The following KCNH8 variants were observed in gnomAD, a reference collection of about 807,000 sequenced individuals.
KCNH8 encodes the protein voltage-gated delayed rectifier potassium channel KCNH8.
In KCNH8, 70 loss-of-function variants were observed where a neutral mutation model predicts 103.6. The ratio of observed to expected loss-of-function variants is 0.68; its 90% CI spans 0.56 to 0.82. The LOEUF (loss-of-function observed/expected upper bound fraction) is 0.82. KCNH8 is among the 40% of genes least tolerant of loss of function. KCNH8 has a pLI of 0.00. For synonymous variants in KCNH8, 498 were observed against 489.4 expected, an observed-to-expected ratio of 1.02 and a Z score of -0.23; for missense variants, 1,217 against 1,329.9, an observed-to-expected ratio of 0.92 and a Z score of 1.32.
chr3:19,345,320 C>T lies in KCNH8; in HGVS notation c.571-2405C>T, dbSNP rs578049117. Among the ~76,000 whole-genome samples the T allele has an allele frequency of 3.8e-4, 58 of 152,174 alleles. 1 individual carries two copies. The highest frequency in any genetic ancestry group is 6.2e-4 in the South Asian group (3 of 4,822). On this transcript the variant is annotated intron_variant, in intron 4 of 15. Coordinates refer to ENST00000328405, the MANE Select transcript of KCNH8 (RefSeq NM_144633.3). The stretch of plus-strand genomic sequence containing the variant: ...GCATACACTGGGTTTAGATTACTCA[C>T]TGAAGTGACTGTAGAAACATTTTCA...
intron 7 of KCNH8, among the ~76,000 whole-genome samples, chr3:19,427,513 T>C (rs535982158): frequency 6.6e-6 from 1 of 152,322 alleles, no homozygotes; most frequent in Non-Finnish European, 1.5e-5. Flanking sequence ...TGGGTTCTTA[T>C]AAACAAAAGC....
intron 7 of KCNH8, among the ~76,000 whole-genome samples, chr3:19,427,340 A>G (rs1320068540): frequency 6.6e-6 from 1 of 152,228 alleles, no homozygotes; most frequent in Non-Finnish European, 1.5e-5. Context: ...AAATCCATTG[A>G]AAAGGCATTA....
chr3:19,332,685 G>A (rs980036509), intron 3 of KCNH8, among the ~76,000 whole-genome samples: 2 of 151,834 alleles, frequency 1.3e-5, no homozygotes, highest in African/African-American at 2.4e-5. Flanking sequence ...CCTAGGCTGA[G>A]ACAGTGGCAC....
rs75462948 is a variant in KCNH8, at chr3:19,285,471, T to C, written c.442+4142T>C. On this transcript the variant is annotated intron_variant, in intron 3 of 15. Transcript: ENST00000328405. ...TGTTATAGGTTTATAAGAGATAATA[T>C]ATGCAATTCACGTAGCACAGGGCAT... Among the ~76,000 whole-genome samples the C allele has an allele frequency of 3.8e-3, 580 of 152,266 alleles. 7 individuals carry two copies. The highest frequency in any genetic ancestry group is 0.013 in the African/African-American group (521 of 41,558).
At chr3:19,151,237 G>C (rs1423454935) in intron 1 of KCNH8, among the ~76,000 whole-genome samples, 2 of 151,652 alleles carry the variant, frequency 1.3e-5, no homozygotes, top group African/African-American at 4.8e-5. Context: ...TACTTCTATT[G>C]ATTTTTATAG....
At chr3:19,277,405 A>C (rs2064690074) in intron 2 of KCNH8, among the ~76,000 whole-genome samples, 1 of 152,024 alleles carries the variant, frequency 6.6e-6, no homozygotes, top group Non-Finnish European at 1.5e-5. Context: ...CTCTACAGAA[A>C]AATTTAAAAC....
chr3:19,372,092 C>T (rs947319505), intron 5 of KCNH8, among the ~76,000 whole-genome samples: 6 of 152,056 alleles, frequency 3.9e-5, no homozygotes, highest in African/African-American at 1.2e-4. Context: ...CTTGGCGATG[C>T]GGGCTCTTTT....
chr3:19,452,963 A>G (rs1355231020), intron 10 of KCNH8, among the ~76,000 whole-genome samples: 1 of 152,196 alleles, frequency 6.6e-6, no homozygotes, highest in African/African-American at 2.4e-5. Flanking sequence ...AGTGTTCATC[A>G]TTGGATGAAT....
chr3:19,314,234 A>G (rs1479303007), intron 3 of KCNH8, among the ~76,000 whole-genome samples: 2 of 151,964 alleles, frequency 1.3e-5, no homozygotes, highest in Non-Finnish European at 2.9e-5. Context: ...AAGATATGAT[A>G]GTAAATATTG....
At chr3:19,443,929 C>T (rs1162649319) in intron 8 of KCNH8, among the ~76,000 whole-genome samples, 3 of 151,962 alleles carry the variant, frequency 2.0e-5, no homozygotes, top group Non-Finnish European at 1.5e-5. Context: ...TAACAATGGA[C>T]TCACGTTGCA....
chr3:19,236,577 T>G (rs775950216), intron 1 of KCNH8, among the ~76,000 whole-genome samples: 2 of 152,190 alleles, frequency 1.3e-5, no homozygotes, highest in Non-Finnish European at 2.9e-5. Context: ...TAGTATTAGG[T>G]AGAACTGTGA....
chr3:19,371,883 G>T (rs1352307219), intron 5 of KCNH8, among the ~76,000 whole-genome samples: 4 of 150,192 alleles, frequency 2.7e-5, no homozygotes, highest in Non-Finnish European at 3.0e-5. Context: ...TTTCCCCATT[G>T]CTTGTTTTTC....
Position 19,522,947 on chromosome 3 carries a change from G to A in KCNH8, c.2619+4873G>A, listed in dbSNP as rs1009671312. Among the ~76,000 whole-genome samples, 3 of 151,748 alleles carry A rather than the reference G, an allele frequency of 2.0e-5. 1 individual carries two copies. In the South Asian group the frequency reaches 6.2e-4, roughly 31 times the overall value. On this transcript the variant is annotated intron_variant, in intron 15 of 15. Transcript: ENST00000328405. ...CCCTTTACAACTTGGTATAGTGTAA[G>A]TTACACATATATATGTATATGTGTG...
At chr3:19,399,308 A>C (rs777733371) in intron 7 of KCNH8, among the ~76,000 whole-genome samples, 35 of 151,952 alleles carry the variant, frequency 2.3e-4, no homozygotes, top group Non-Finnish European at 4.3e-4. Flanking sequence ...GGACGTCAAT[A>C]AATATCTAAA....
chr3:19,348,985 G>A (rs1224291906), intron 5 of KCNH8, among the ~76,000 whole-genome samples: 1 of 151,672 alleles, frequency 6.6e-6, no homozygotes, highest in Non-Finnish European at 1.5e-5. Flanking sequence ...ATGTCAGCAC[G>A]TTTGCTTTGG....
At chr3:19,168,749 T>C (rs1003924003) in intron 1 of KCNH8, among the ~76,000 whole-genome samples, 2 of 152,216 alleles carry the variant, frequency 1.3e-5, no homozygotes, top group Non-Finnish European at 2.9e-5. Flanking sequence ...AATAACAGCT[T>C]TCAGGAAGTG....
intron 3 of KCNH8, among the ~76,000 whole-genome samples, chr3:19,312,770 A>G (rs2065222725): frequency 2.0e-5 from 3 of 151,928 alleles, no homozygotes; most frequent in Non-Finnish European, 4.4e-5. Flanking sequence ...CACTGCTTTT[A>G]CGGATCATAA....
chr3:19,518,184 GACC>G, intron 15 of KCNH8, 110 bp downstream of exon 15: 1 of 760,754 alleles, frequency 1.3e-6, no homozygotes, highest in Non-Finnish European at 2.2e-6. Flanking sequence ...TCCAGAATGA[GACC>G]ACCATGGGTG....
chr3:19,369,412 T>G (rs1430558881), intron 5 of KCNH8, among the ~76,000 whole-genome samples: 1 of 151,870 alleles, frequency 6.6e-6, no homozygotes, highest in Non-Finnish European at 1.5e-5. Context: ...CTGTCCCTTT[T>G]CCTGTATCCT....
Sources: gnomAD v4.1 joint callset for allele counts (sites outside exome capture counted in the v4.1 genomes callset) on GRCh38, gnomAD v4.1.1 for gene constraint, MANE v1.5 for transcripts, NCBI Gene and HGNC (gene_info 2026-07-23, HGNC 2026-07-21) for gene names.